The following CDH13 variants were observed in gnomAD, a reference collection of about 807,000 sequenced individuals.
The protein encoded by CDH13 is cadherin-13.
Under a neutral mutation model 63.8 loss-of-function variants are expected in CDH13, and 24 were observed. That is an observed-to-expected ratio of 0.38 (90% CI 0.27 to 0.53). The LOEUF (loss-of-function observed/expected upper bound fraction) is 0.53, where lower values mean the gene tolerates loss of function less well. Ranked by LOEUF, CDH13 falls within the 20% of genes least tolerant of loss-of-function variation. CDH13 has a pLI of 0.85. For missense variants in CDH13, 1,049 were observed against 903.1 expected (o/e 1.16, Z -2.07); for synonymous variants, 503 against 355.3 (o/e 1.42, Z -4.67).
intron 4 of CDH13, among the ~76,000 whole-genome samples, chr16:83,206,483 C>G (rs2039184384): frequency 6.6e-6 from 1 of 152,198 alleles, no homozygotes; most frequent in African/African-American, 2.4e-5. Context: ...ATGCCCAGCT[C>G]CAAGATCAGC....
At chr16:83,260,398 A>G (rs930442377) in intron 5 of CDH13, among the ~76,000 whole-genome samples, 2 of 152,102 alleles carry the variant, frequency 1.3e-5, no homozygotes, top group African/African-American at 2.4e-5. Context: ...AAAGAATTAA[A>G]TTTTTTATTA....
At position 83,115,771 on chromosome 16, in the gene CDH13, G is replaced by A. The variant is rs146443087; in HGVS notation, c.367-9614G>A. On this transcript the variant is annotated intron_variant, in intron 3 of 13. Coordinates refer to ENST00000567109, the MANE Select transcript of CDH13 (RefSeq NM_001257.5). The stretch of plus-strand genomic sequence containing the variant: ...AGTTTGCCCAGAAGTTATGAAAGTA[G>A]GAGAGGGAACAAAGATGATAGAGGT... Among the ~76,000 whole-genome samples, 1,215 of 152,350 alleles carry A rather than the reference G, an allele frequency of 8.0e-3. 18 individuals are homozygous for A. Among genetic ancestry groups the A allele is most frequent in the Middle Eastern group, 0.034 (10 of 294 alleles).
intron 2 of CDH13, 149 bp from the exon 3 acceptor site, chr16:83,031,861 C>G: frequency 1.5e-6 from 1 of 650,762 alleles, no homozygotes; most frequent in Non-Finnish European, 2.7e-6. Flanking sequence ...CACTTGGGCA[C>G]AGGCATCTTG....
At chr16:83,171,230 C>T (rs1396071263) in intron 4 of CDH13, among the ~76,000 whole-genome samples, 16 of 151,944 alleles carry the variant, frequency 1.1e-4, no homozygotes, top group African/African-American at 3.4e-4. Context: ...AGGGGCATGG[C>T]GGAAACAGGG....
At chr16:83,672,128 T>C (rs1157418537) in intron 9 of CDH13, among the ~76,000 whole-genome samples, 1 of 152,196 alleles carries the variant, frequency 6.6e-6, no homozygotes, top group African/African-American at 2.4e-5. Context: ...ACACCCATGT[T>C]TTCTGTGCAC....
chr16:83,686,740 C>T (rs1375766997), intron 10 of CDH13, among the ~76,000 whole-genome samples: 1 of 152,052 alleles, frequency 6.6e-6, no homozygotes, highest in Admixed American at 6.6e-5. Flanking sequence ...ACATTTGATA[C>T]AGTTTGGGGT....
At position 83,031,997 on chromosome 16, in the gene CDH13, G is replaced by A. The variant is rs183211035; in HGVS notation, c.158-13G>A. 193 of 1,567,474 alleles carry A rather than the reference G, an allele frequency of 1.2e-4. 2 individuals are homozygous for A. The African/African-American group carries it at 1.7e-3, about 14-fold the overall frequency. ...CTACTCATGCTCCTTCTGTTGTTTC[G>A]TTTGTTTCCCAGTGACCTTCAGTGA... is the stretch of plus-strand genomic sequence containing the variant. On this transcript the variant is annotated splice_polypyrimidine_tract_variant and intron_variant, in intron 2 of 13. Coordinates refer to ENST00000567109, the MANE Select transcript of CDH13 (RefSeq NM_001257.5).
chr16:83,696,365 G>T (rs901013274), intron 10 of CDH13, among the ~76,000 whole-genome samples: 5 of 152,070 alleles, frequency 3.3e-5, no homozygotes, highest in African/African-American at 1.2e-4. Flanking sequence ...TTTCATCTCT[G>T]TTCCCCATTC....
intron 2 of CDH13, among the ~76,000 whole-genome samples, chr16:82,866,812 C>A (rs1169272535): frequency 6.6e-6 from 1 of 151,994 alleles, no homozygotes; most frequent in Non-Finnish European, 1.5e-5. Flanking sequence ...GGGGAAGAGC[C>A]CTTTATAAAA....
intron 2 of CDH13, among the ~76,000 whole-genome samples, chr16:83,013,344 T>C (rs76397508): frequency 4.1e-4 from 62 of 152,320 alleles, no homozygotes; most frequent in African/African-American, 1.4e-3. Context: ...TTCACAACTT[T>C]GTGTCATCCT....
intron 2 of CDH13, among the ~76,000 whole-genome samples, chr16:82,910,116 C>G (rs113670243): frequency 1.3e-5 from 2 of 152,262 alleles, no homozygotes; most frequent in East Asian, 3.9e-4. Flanking sequence ...CATCAAATGC[C>G]GATGTCTGAG....
chr16:83,431,086 C>T (rs971815883), intron 6 of CDH13, among the ~76,000 whole-genome samples: 4 of 150,824 alleles, frequency 2.7e-5, no homozygotes, highest in South Asian at 2.1e-4. Context: ...TTTGTTCTTG[C>T]GATAGTTTAC....
At chr16:82,918,793 T>C (rs1291557506) in intron 2 of CDH13, among the ~76,000 whole-genome samples, 12 of 152,192 alleles carry the variant, frequency 7.9e-5, no homozygotes, top group Non-Finnish European at 1.6e-4. Flanking sequence ...ATTATGGGTG[T>C]GAGCCCCTAC....
chr16:83,015,673 G>GTATATATATA (rs1240181770), intron 2 of CDH13, among the ~76,000 whole-genome samples: 1 of 39,994 alleles, frequency 2.5e-5, no homozygotes, highest in African/African-American at 7.6e-5. Flanking sequence ...GTGTGTGTGT[G>GTATATATATA]TATGTATATA....
intron 4 of CDH13, among the ~76,000 whole-genome samples, chr16:83,161,515 C>G (rs991168714): frequency 1.3e-5 from 2 of 151,998 alleles, no homozygotes; most frequent in Admixed American, 6.6e-5. Context: ...CAGATAGAAA[C>G]AGATAAAGTT....
chr16:83,434,233 A>T (rs2072215126), intron 6 of CDH13, among the ~76,000 whole-genome samples: 1 of 152,192 alleles, frequency 6.6e-6, no homozygotes, highest in Admixed American at 6.5e-5. Context: ...GGACCCCATT[A>T]GGGCCAGGTC....
At chr16:83,093,274 C>G in intron 3 of CDH13, among the ~76,000 whole-genome samples, 1 of 118,818 alleles carries the variant, frequency 8.4e-6, no homozygotes, top group Non-Finnish European at 1.7e-5. Context: ...TGGATTTGTC[C>G]TGTGGAAACA....
At chr16:82,796,744 CT>C (rs2036599811) in intron 1 of CDH13, among the ~76,000 whole-genome samples, 1 of 152,172 alleles carries the variant, frequency 6.6e-6, no homozygotes, top group Non-Finnish European at 1.5e-5. Flanking sequence ...AAATAATGAC[CT>C]TTTAGTTGAC....
intron 2 of CDH13, among the ~76,000 whole-genome samples, chr16:82,989,607 A>AGGCTGT: frequency 6.6e-6 from 1 of 152,216 alleles, no homozygotes; most frequent in Admixed American, 6.5e-5. Flanking sequence ...TGTGTGGACC[A>AGGCTGT]GTGATACAAT....
Sources: gnomAD v4.1 joint callset for allele counts (sites outside exome capture counted in the v4.1 genomes callset) on GRCh38, gnomAD v4.1.1 for gene constraint, MANE v1.5 for transcripts, NCBI Gene and HGNC (gene_info 2026-07-23, HGNC 2026-07-21) for gene names.